FGF13: variants seen among roughly 807,000 people sequenced by gnomAD.
FGF13 encodes the protein fibroblast growth factor homologous factor 2.
In FGF13, 2 loss-of-function variants were observed where a neutral mutation model predicts 19.5. The observed-to-expected ratio is 0.10, with a 90% CI of 0.04 to 0.32. The LOEUF (loss-of-function observed/expected upper bound fraction) is 0.32, where lower values mean the gene tolerates loss of function less well. Ranked by LOEUF, FGF13 falls within the 10% of genes least tolerant of loss-of-function variation. FGF13 has a pLI of 1.00. For missense variants in FGF13, 113 were observed against 192.7 expected, an observed-to-expected ratio of 0.59 and a Z score of 2.45; for synonymous variants, 72 against 76.9, an observed-to-expected ratio of 0.94 and a Z score of 0.33.
intron 1 of FGF13, among the ~76,000 whole-genome samples, chrX:138,728,372 GT>G (rs1354987985): frequency 9.0e-6 from 1 of 111,179 alleles, no homozygotes. Flanking sequence ...ACAAACTCTG[GT>G]ATCCAAATTG....
intron 3 of FGF13, among the ~76,000 whole-genome samples, chrX:138,771,305 T>C (rs776177985): frequency 9.0e-6 from 1 of 111,655 alleles, no homozygotes; most frequent in East Asian, 2.8e-4. Flanking sequence ...ATGAAACAAG[T>C]TAAAATTGGT....
chrX:139,045,142 C>T (rs754646166), intron 1 of FGF13, among the ~76,000 whole-genome samples: 1 of 112,580 alleles, frequency 8.9e-6, no homozygotes, highest in African/African-American at 3.2e-5. Context: ...CTTAACACCA[C>T]ATGAAAACCA....
At chrX:139,193,561 G>C (rs753194854) in intron 1 of FGF13, among the ~76,000 whole-genome samples, 16 of 111,410 alleles carry the variant, frequency 1.4e-4, no homozygotes, top group Admixed American at 6.7e-4. Context: ...CTGTACAGAA[G>C]TAAGCAGTCA....
chrX:138,951,668 C>T (rs1357505594), intron 1 of FGF13, among the ~76,000 whole-genome samples: 2 of 111,431 alleles, frequency 1.8e-5, no homozygotes, highest in East Asian at 2.8e-4. Context: ...AGGAAATACA[C>T]ATTAAAACCA....
At chrX:138,949,853 T>C (rs2091801241) in intron 1 of FGF13, among the ~76,000 whole-genome samples, 1 of 111,874 alleles carries the variant, frequency 8.9e-6, no homozygotes, top group Non-Finnish European at 1.9e-5. Context: ...TAATTTGCAT[T>C]GGGAGAACAC....
At chrX:138,948,287 T>G (rs1397126239) in intron 1 of FGF13, among the ~76,000 whole-genome samples, 1 of 111,340 alleles carries the variant, frequency 9.0e-6, no homozygotes, top group Non-Finnish European at 1.9e-5. Flanking sequence ...ATGATGAACA[T>G]AAGGGGATGA....
intron 1 of FGF13, among the ~76,000 whole-genome samples, chrX:138,966,059 G>A (rs1405061650): frequency 8.9e-6 from 1 of 111,908 alleles, no homozygotes. Flanking sequence ...GTGTGTCCAT[G>A]AGGGTGTTGC....
At chrX:139,093,902 A>C (rs1251682929) in intron 1 of FGF13, among the ~76,000 whole-genome samples, 1 of 112,039 alleles carries the variant, frequency 8.9e-6, no homozygotes, top group Non-Finnish European at 1.9e-5. Context: ...ACTTTATTAG[A>C]TTCTCCCAAC....
chrX:138,812,807 T>C (rs1244867677), intron 3 of FGF13, among the ~76,000 whole-genome samples: 2 of 110,878 alleles, frequency 1.8e-5, no homozygotes, highest in African/African-American at 6.6e-5. Context: ...TGCCATGGTG[T>C]TTTGCTGTAC....
intron 3 of FGF13, among the ~76,000 whole-genome samples, chrX:138,773,686 T>C (rs986763962): frequency 8.9e-6 from 1 of 112,285 alleles, no homozygotes. Context: ...ACCTTTGCCA[T>C]GGCACAAAAT....
intron 1 of FGF13, among the ~76,000 whole-genome samples, chrX:139,013,479 T>TTATTTATA (rs2092138595): frequency 9.8e-5 from 7 of 71,072 alleles, no homozygotes; most frequent in African/African-American, 4.2e-4. Context: ...AAAGAAAATT[T>TTATTTATA]TATATATATA....
chrX:138,878,426 T>C (rs1242984473), intron 1 of FGF13, among the ~76,000 whole-genome samples: 1 of 106,539 alleles, frequency 9.4e-6, no homozygotes, highest in East Asian at 3.0e-4. Flanking sequence ...CTTGCGATAG[T>C]TTGCTGAGAA....
Position 138,624,925 on chromosome X carries a change from C to G in FGF13, c.*7925G>C, listed in dbSNP as rs1016326651. ...CAGAATAGGAGAAAATATTTGCAAA[C>G]CATATTTCTCATAAGGGGTTAATAT... is the stretch of plus-strand genomic sequence containing the variant. On this transcript the variant is annotated 3_prime_UTR_variant, in exon 5 of 5. Transcript: ENST00000315930. The G allele has an allele frequency of 2.7e-5, 3 of 111,644 alleles. No homozygotes were observed. Among genetic ancestry groups the G allele is most frequent in the Non-Finnish European group, 5.6e-5 (3 of 53,114 alleles). 9.2% of individuals were successfully genotyped at this position (111,644 alleles called of 1,213,427 possible).
At chrX:139,090,984 T>C (rs777444367) in intron 1 of FGF13, among the ~76,000 whole-genome samples, 68 of 107,584 alleles carry the variant, frequency 6.3e-4, no homozygotes, top group African/African-American at 2.0e-3. Context: ...CAGTGTATTC[T>C]TGGTTTCCAG....
At chrX:138,988,869 C>T (rs2092003719) in intron 1 of FGF13, among the ~76,000 whole-genome samples, 1 of 111,958 alleles carries the variant, frequency 8.9e-6, no homozygotes, top group Non-Finnish European at 1.9e-5. Flanking sequence ...TGTGGCTCAT[C>T]TCTTAATAAA....
chrX:139,154,157 T>TACTATGTGTGTA (rs1353300634), intron 1 of FGF13, among the ~76,000 whole-genome samples: 1 of 111,742 alleles, frequency 8.9e-6, no homozygotes, highest in Non-Finnish European at 1.9e-5. Flanking sequence ...GACTACCCCC[T>TACTATGTGTGTA]TGTATATGCA....
At chrX:138,841,848 A>T (rs2091151896) in intron 3 of FGF13, among the ~76,000 whole-genome samples, 1 of 111,515 alleles carries the variant, frequency 9.0e-6, no homozygotes, top group South Asian at 3.8e-4. Context: ...ACTTGCTGAC[A>T]GTGTAAAGGA....
intron 1 of FGF13, among the ~76,000 whole-genome samples, chrX:139,158,757 C>G (rs2084001684): frequency 9.0e-6 from 1 of 110,958 alleles, no homozygotes; most frequent in Non-Finnish European, 1.9e-5. Context: ...TGAAATAAAG[C>G]ATGAAGAGAA....
rs1178407190 is a variant in FGF13 at position 138,784,131 on chromosome X, C to T, written c.217+73381G>A. On this transcript the variant is annotated intron_variant, in intron 3 of 6. Coordinates refer to the FGF13 transcript ENST00000436198. ...ATTGAACAATGAGATCACATGGACA[C>T]AGGAAGAGGAACATCACACTCTGGG... 3.6e-5 allele frequency among the ~76,000 whole-genome samples: 3 copies of T among 83,639 alleles called. No homozygotes were observed. In the Admixed American group the frequency reaches 4.9e-4, roughly 14 times the overall value. The allele number at this position is 83,639 out of a possible 115,157, so 72.6% of individuals were successfully genotyped here.
Sources: gnomAD v4.1 joint callset for allele counts (sites outside exome capture counted in the v4.1 genomes callset) on GRCh38, gnomAD v4.1.1 for gene constraint, MANE v1.5 for transcripts, NCBI Gene and HGNC (gene_info 2026-07-23, HGNC 2026-07-21) for gene names.